TOP1MT: variants seen among roughly 807,000 people sequenced by gnomAD.
The protein encoded by TOP1MT is DNA topoisomerase I, mitochondrial.
TOP1MT carries 80 observed loss-of-function variants against 73.9 expected under a neutral mutation model. The observed-to-expected ratio is 1.08, with a 90% CI of 0.90 to 1.30. TOP1MT has a LOEUF of 1.30. Ranked by LOEUF, TOP1MT falls within the 50% of genes most tolerant of loss-of-function variation. The pLI is 0.00. For synonymous variants in TOP1MT, 338 were observed against 326.4 expected, an observed-to-expected ratio of 1.04 and a Z score of -0.38; for missense variants, 815 against 808.0, an observed-to-expected ratio of 1.01 and a Z score of -0.10.
intron 1 of TOP1MT, among the ~76,000 whole-genome samples, chr8:143,351,075 G>A (rs995556310): frequency 1.3e-5 from 2 of 152,126 alleles, no homozygotes; most frequent in Non-Finnish European, 2.9e-5. Flanking sequence ...AGCCTCTACA[G>A]CTCATCACCC....
chr8:143,323,196 CCA>C (rs1462167289), intron 7 of TOP1MT, among the ~76,000 whole-genome samples: 6 of 116,162 alleles, frequency 5.2e-5, no homozygotes, highest in Admixed American at 9.0e-5. Flanking sequence ...CACACGCATG[CCA>C]CACACAGGCA....
intron 8 of TOP1MT, among the ~76,000 whole-genome samples, chr8:143,320,593 GTCTT>G (rs1348580021): frequency 2.0e-5 from 3 of 152,242 alleles, no homozygotes; most frequent in African/African-American, 7.2e-5. Flanking sequence ...TAAAAACAGG[GTCTT>G]TAGAGACTGA....
Position 143,329,507 on chromosome 8 carries a change from G to C in TOP1MT, c.239-36C>G, listed in dbSNP as rs371893688. ...CGGAAGACACATCGTATGAGAGAGC[G>C]GCCAGAGGCTCGGCCTCCAGCTGAC... is the stretch of plus-strand genomic sequence containing the variant. On this transcript the variant is annotated intron_variant, in intron 2 of 13. Transcript: ENST00000329245. 8.8e-6 allele frequency: 14 copies of C among 1,589,358 alleles called. No homozygotes were observed. The African/African-American group carries it at 1.9e-4, about 22-fold the overall frequency.
upstream of TOP1MT, among the ~76,000 whole-genome samples, chr8:143,336,837 AAAG>A (rs1816990423): frequency 6.6e-6 from 1 of 152,164 alleles, no homozygotes; most frequent in Non-Finnish European, 1.5e-5. Flanking sequence ...AAAATTTAAA[AAAG>A]AATCCACAAA....
intron 8 of TOP1MT, 60 bp downstream of exon 8, chr8:143,321,141 C>T: frequency 6.7e-7 from 1 of 1,484,128 alleles, no homozygotes; most frequent in Non-Finnish European, 9.1e-7. Flanking sequence ...CGGCACGCCC[C>T]CAGACATCCA....
At chr8:143,335,040 C>T (rs1816959292), upstream of TOP1MT, 8 of 595,422 alleles carry the variant, frequency 1.3e-5, no homozygotes, top group Non-Finnish European at 1.8e-5. Context: ...ACTGTCCTGC[C>T]GGCCTCCCCC....
At chr8:143,359,651 A>G (rs1211752111), upstream of TOP1MT, among the ~76,000 whole-genome samples, 2 of 150,700 alleles carry the variant, frequency 1.3e-5, no homozygotes, top group Non-Finnish European at 3.0e-5. Flanking sequence ...GATGGAGGAA[A>G]CACTGAGGGG....
intron 12 of TOP1MT, among the ~76,000 whole-genome samples, chr8:143,314,950 C>T (rs973246020): frequency 6.6e-6 from 1 of 152,186 alleles, no homozygotes; most frequent in East Asian, 1.9e-4. Flanking sequence ...GAGTGCGAGC[C>T]TTCTGTTATG....
At chr8:143,329,259 T>C (rs1816786503) in intron 3 of TOP1MT, 91 bp downstream of exon 3, 2 of 1,403,012 alleles carry the variant, frequency 1.4e-6, no homozygotes, top group Non-Finnish European at 9.4e-7. Context: ...ACCGAGAACT[T>C]GCGAGGGGCG....
intron 7 of TOP1MT, among the ~76,000 whole-genome samples, chr8:143,323,450 C>T (rs1199830124): frequency 5.7e-5 from 7 of 122,310 alleles, no homozygotes; most frequent in Admixed American, 5.4e-4. Context: ...GCACGCCACA[C>T]GCACGCCACA....
intron 8 of TOP1MT, among the ~76,000 whole-genome samples, chr8:143,319,101 C>T (rs141860831): frequency 2.0e-5 from 3 of 152,176 alleles, no homozygotes; most frequent in Non-Finnish European, 4.4e-5. Context: ...CTCTTCCTTT[C>T]GTGTGTTGGC....
intron 6 of TOP1MT, 63 bp from the exon 7 acceptor site, chr8:143,324,205 G>A: frequency 6.3e-7 from 1 of 1,590,142 alleles, no homozygotes; most frequent in Non-Finnish European, 8.6e-7. Context: ...GGAGGAGGCT[G>A]TCAACTCTCC....
At chr8:143,315,893 C>A in intron 11 of TOP1MT, 72 bp from the exon 12 acceptor site, 1 of 1,605,630 alleles carries the variant, frequency 6.2e-7, no homozygotes, top group Non-Finnish European at 8.5e-7. Context: ...CACCCTTCCA[C>A]ACCCTACGTG....
Position 143,310,029 on chromosome 8 carries a change from T to C in TOP1MT, c.1703+39A>G, listed in dbSNP as rs137889220. On this transcript the variant is annotated intron_variant, in intron 13 of 13. Coordinates refer to ENST00000329245, the MANE Select transcript of TOP1MT (RefSeq NM_052963.3). ...CCTCCTGGAAAACCCAGGCCCCCCATAGGCCACAGGTGGGAACTGAGACCC... is the reference window on the plus strand; with the variant it reads ...CCTCCTGGAAAACCCAGGCCCCCCACAGGCCACAGGTGGGAACTGAGACCC... 467 of 1,604,532 alleles carry C rather than the reference T, an allele frequency of 2.9e-4. 2 individuals are homozygous for C. In the African/African-American group the frequency reaches 5.4e-3, roughly 19 times the overall value.
intron 1 of TOP1MT, among the ~76,000 whole-genome samples, chr8:143,353,524 G>A (rs534902775): frequency 1.3e-5 from 2 of 152,140 alleles, no homozygotes; most frequent in South Asian, 4.1e-4. Flanking sequence ...TAATCACTAG[G>A]GAAATGCAAA....
At chr8:143,321,476 G>T in intron 7 of TOP1MT, 90 bp from the exon 8 acceptor site, 1 of 1,016,216 alleles carries the variant, frequency 9.8e-7, no homozygotes, top group Non-Finnish European at 1.3e-6. Flanking sequence ...ACACACGCAC[G>T]CCACACGCAC....
Position 143,344,091 on chromosome 8 carries a change from A to G in TOP1MT, c.-38-805T>C, listed in dbSNP as rs1228544430. 1 of 152,308 alleles carries G rather than the reference A, an allele frequency of 6.6e-6. No homozygotes were observed. The highest frequency in any genetic ancestry group is 1.5e-5 in the Non-Finnish European group (1 of 68,100). 9.4% of individuals were successfully genotyped at this position (152,308 alleles called of 1,614,324 possible). A position where few individuals can be genotyped will look rare whatever the true frequency, so the allele number is the denominator to read the frequency against. ...GAAAGGTGAGAGGAGGCCCTGTTGT[A>G]ACACAGCTGGAAAGCAGGATTCATA... On this transcript the variant is annotated intron_variant, in intron 1 of 5. Transcript: ENST00000518007. This position sits in a 1 kb window ranked among gnomAD's most constrained non-coding sequence, Gnocchi z 4.6.
In TOP1MT at chr8:143,331,268, G is replaced by A. The variant is rs1406657202; in HGVS notation, c.194C>T (p.Pro65Leu). The A allele has an allele frequency of 1.9e-6, 3 of 1,612,250 alleles. No homozygotes were observed. The highest frequency in any genetic ancestry group is 2.2e-5 in the East Asian group (1 of 44,854). Residue 65 changes from proline to leucine, a missense_variant, in exon 2 of 14, where the codon CCC (proline) becomes CTC (leucine). Around this residue, in one of 3 missense-constraint regions of TOP1MT, gnomAD observed 751 missense variants for 725.4 expected, o/e 1.04. Coordinates refer to ENST00000329245, the MANE Select transcript of TOP1MT (RefSeq NM_052963.3). ...QLEHKGPYFA[P>L]PYEPLPDGVR... Reference sequence around the variant, plus strand: ...TCCGTCGGGAAGGGGCTCGTATGGGGGTGCGAAGTACGGGCCCTTGTGCTC... The same window carrying A: ...TCCGTCGGGAAGGGGCTCGTATGGGAGTGCGAAGTACGGGCCCTTGTGCTC...
At chr8:143,315,695 G>T (rs376628781) in intron 12 of TOP1MT, 32 bp downstream of exon 12, 3 of 1,588,036 alleles carry the variant, frequency 1.9e-6, no homozygotes, top group Admixed American at 1.7e-5. Context: ...ACAGGGCCCC[G>T]GGAGAAGGCG....
Sources: allele counts gnomAD v4.1 joint callset (sites outside exome capture counted in the v4.1 genomes callset), GRCh38; gene constraint gnomAD v4.1.1; regional missense constraint gnomAD v4.1.1; non-coding constraint Gnocchi (gnomAD v3.1); transcripts MANE v1.5; gene names NCBI Gene and HGNC (gene_info 2026-07-23, HGNC 2026-07-21).